THRB: variants seen among roughly 807,000 people sequenced by gnomAD.
THRB encodes the protein nuclear receptor subfamily 1 group A member 2.
THRB carries 12 observed loss-of-function variants against 47.8 expected under a neutral mutation model. The observed-to-expected ratio is 0.25, with a 90% CI of 0.16 to 0.41. The LOEUF (loss-of-function observed/expected upper bound fraction) is 0.41, where lower values mean the gene tolerates loss of function less well. Among genes scored for constraint, THRB ranks in the 10% least tolerant of loss-of-function variants. THRB has a pLI of 1.00. For synonymous variants in THRB, 218 were observed against 212.2 expected (o/e 1.03, Z -0.24); for missense variants, 348 against 589.2 (o/e 0.59, Z 4.24).
chr3:24,129,025 T>C (rs2033398460), intron 9 of THRB, among the ~76,000 whole-genome samples: 1 of 152,082 alleles, frequency 6.6e-6, no homozygotes, highest in East Asian at 1.9e-4. Context: ...TTTAGGTTAT[T>C]ATATAAAAGT....
chr3:24,485,798 A>G (rs1456327976), intron 1 of THRB, among the ~76,000 whole-genome samples: 4 of 152,202 alleles, frequency 2.6e-5, no homozygotes, highest in Non-Finnish European at 5.9e-5. Flanking sequence ...CCCACAATGT[A>G]CATTGTACTT....
chr3:24,354,340 T>C (rs966296118), intron 1 of THRB, among the ~76,000 whole-genome samples: 86 of 152,266 alleles, frequency 5.6e-4, no homozygotes, highest in African/African-American at 1.9e-3. Context: ...TTTACCTATG[T>C]AACAAATCTG....
rs562913522 is a variant in THRB, at chr3:24,118,563, T to G, written c.*4321A>C. ...TTTCTACGAAGAAAGCATGGAGAAC[T>G]AATTTGGCTCTATGGTCAAATTAAA... is the stretch of plus-strand genomic sequence containing the variant. On this transcript the variant is annotated 3_prime_UTR_variant, in exon 11 of 11. Transcript: ENST00000646209. 70 of 152,808 alleles carry G rather than the reference T, an allele frequency of 4.6e-4. No individual in the cohort carries two copies. Among genetic ancestry groups the G allele is most frequent in the African/African-American group, 1.6e-3 (67 of 41,584 alleles). 9.5% of individuals were successfully genotyped at this position (152,808 alleles called of 1,614,324 possible).
chr3:24,328,912 G>A (rs1276776906), intron 2 of THRB, among the ~76,000 whole-genome samples: 1 of 151,856 alleles, frequency 6.6e-6, no homozygotes, highest in South Asian at 2.1e-4. Context: ...ACTCTTGATG[G>A]TCAACTTTCC....
intron 5 of THRB, among the ~76,000 whole-genome samples, chr3:24,177,033 T>C (rs2041250324): frequency 6.6e-6 from 1 of 152,088 alleles, no homozygotes; most frequent in African/African-American, 2.4e-5. Context: ...TAAAATAAAG[T>C]TTACATCATT....
intron 10 of THRB, among the ~76,000 whole-genome samples, chr3:24,126,415 C>G (rs901863951): frequency 1.3e-5 from 2 of 152,104 alleles, no homozygotes; most frequent in Non-Finnish European, 2.9e-5. Context: ...CTGAGTTAAC[C>G]AGGAAGCAGC....
intron 3 of THRB, among the ~76,000 whole-genome samples, chr3:24,256,220 G>A (rs181822976): frequency 1.6e-4 from 25 of 152,166 alleles, no homozygotes; most frequent in Non-Finnish European, 3.1e-4. Flanking sequence ...ATGAGGTCTA[G>A]AAAATGGTCA....
chr3:24,449,687 ATAT>A (rs2072452814), intron 1 of THRB, among the ~76,000 whole-genome samples: 1 of 152,182 alleles, frequency 6.6e-6, no homozygotes. Flanking sequence ...GGTCCAAAGA[ATAT>A]TAGCCTTATC....
chr3:24,443,480 A>G (rs916068509), intron 1 of THRB, among the ~76,000 whole-genome samples: 2 of 152,208 alleles, frequency 1.3e-5, no homozygotes, highest in Non-Finnish European at 2.9e-5. Context: ...TAAAGTTTAC[A>G]TAATTTTGAT....
intron 2 of THRB, among the ~76,000 whole-genome samples, chr3:24,297,598 T>C (rs1437436168): frequency 1.3e-5 from 2 of 152,126 alleles, no homozygotes; most frequent in African/African-American, 2.4e-5. Context: ...GCCAGGGAAA[T>C]GGTGGGATGC....
intron 1 of THRB, among the ~76,000 whole-genome samples, chr3:24,450,112 A>C (rs1186758237): frequency 1.4e-4 from 21 of 152,180 alleles, no homozygotes; most frequent in African/African-American, 4.8e-4. Context: ...ATCATAACTT[A>C]ATATTTAAGA....
chr3:24,338,299 T>A lies in THRB; in HGVS notation c.-260-928A>T, dbSNP rs2062399154. 2.6e-5 allele frequency among the ~76,000 whole-genome samples: 4 copies of A among 152,190 alleles called. No individual in the cohort carries two copies. In the South Asian group the frequency reaches 8.3e-4, roughly 32 times the overall value. ...TGACAACCCCACACCAAGCCCAGAA[T>A]GTGAGTTGGTTTGTATCTTTCAAGA... On this transcript the variant is annotated intron_variant, in intron 1 of 10. Transcript: ENST00000646209.
chr3:24,416,587 T>C, intron 1 of THRB, among the ~76,000 whole-genome samples: 1 of 151,910 alleles, frequency 6.6e-6, no homozygotes, highest in East Asian at 2.0e-4. Context: ...TTTGGTTTCA[T>C]ATAGGATTCT....
intron 1 of THRB, among the ~76,000 whole-genome samples, chr3:24,480,694 G>A (rs1696226287): frequency 6.6e-6 from 1 of 152,138 alleles, no homozygotes; most frequent in Non-Finnish European, 1.5e-5. Flanking sequence ...AACCACAAAA[G>A]AGCCAAAATG....
At chr3:24,292,796 C>T (rs1017127912) in intron 3 of THRB, among the ~76,000 whole-genome samples, 2 of 152,136 alleles carry the variant, frequency 1.3e-5, no homozygotes, top group East Asian at 1.9e-4. Context: ...ATTTTAGCTG[C>T]ATGTTTGGAC....
At chr3:24,226,506 A>G (rs2047669646) in intron 4 of THRB, among the ~76,000 whole-genome samples, 1 of 152,188 alleles carries the variant, frequency 6.6e-6, no homozygotes, top group Non-Finnish European at 1.5e-5. Flanking sequence ...TTTCTCCACT[A>G]TGAAGCAAAT....
At chr3:24,255,783 GCCTTTTAGGC>G (rs992025090) in intron 3 of THRB, among the ~76,000 whole-genome samples, 18 of 152,242 alleles carry the variant, frequency 1.2e-4, no homozygotes, top group African/African-American at 3.9e-4. Context: ...GCCGGGCAGG[GCCTTTTAGGC>G]CATAGACAAG....
intron 1 of THRB, among the ~76,000 whole-genome samples, chr3:24,383,218 GACAAACAAACAA>G (rs57022667): frequency 6.6e-6 from 1 of 151,848 alleles, no homozygotes; most frequent in Non-Finnish European, 1.5e-5. Flanking sequence ...CGGCTCAGAA[GACAAACAAACAA>G]ACAAACAAAC....
intron 3 of THRB, among the ~76,000 whole-genome samples, chr3:24,272,476 G>A (rs900372120): frequency 6.6e-6 from 1 of 152,122 alleles, no homozygotes; most frequent in Non-Finnish European, 1.5e-5. Context: ...TTAAGTGCCT[G>A]CAGGATTTTG....
Sources: gnomAD v4.1 joint callset for allele counts (sites outside exome capture counted in the v4.1 genomes callset) on GRCh38, gnomAD v4.1.1 for gene constraint, MANE v1.5 for transcripts, NCBI Gene and HGNC (gene_info 2026-07-23, HGNC 2026-07-21) for gene names.